Variants in RTKN2 observed in about 807,000 individuals in gnomAD.
RTKN2 encodes the protein rhotekin-2.
A neutral mutation model predicts 71.5 loss-of-function variants in RTKN2; 69 were observed. The observed-to-expected ratio is 0.96, with a 90% CI of 0.79 to 1.18. The LOEUF is 1.18. RTKN2 is among the 50% of genes most tolerant of loss of function. The pLI is 0.00. For synonymous variants in RTKN2, 236 were observed against 236.5 expected, an observed-to-expected ratio of 1.00 and a Z score of 0.02; for missense variants, 724 against 719.7, an observed-to-expected ratio of 1.01 and a Z score of -0.07.
chr10:62,194,192 CTAATA>C lies in RTKN2; in HGVS notation c.*3711_*3715del. 1.0e-6 allele frequency: 1 copy of C among 983,454 alleles called. No homozygotes were observed. Among genetic ancestry groups the C allele is most frequent in the Non-Finnish European group, 1.2e-6 (1 of 828,196 alleles). The allele number at this position is 983,454 out of a possible 1,614,324, so 60.9% of individuals were successfully genotyped here. ...AAGCATGTCAGAAAATCAACACACC[CTAATA>C]TATTTTCAAATGATGACTTGTCTTT... On this transcript the variant is annotated 3_prime_UTR_variant, in exon 12 of 12. Coordinates refer to ENST00000373789, the MANE Select transcript of RTKN2 (RefSeq NM_145307.4).
rs947455668 is a variant in RTKN2 at position 62,232,857 on chromosome 10, C to T, written c.686+3209G>A. Among the ~76,000 whole-genome samples the T allele has an allele frequency of 4.6e-5, 7 of 151,908 alleles. No homozygotes were observed. The East Asian group carries it at 1.4e-3, about 29-fold the overall frequency. ...ATCCATGAATTATCTTATTAAATCT[C>T]GTAATTATCCTATGGAGTTGAGATA... is the stretch of plus-strand genomic sequence containing the variant. On this transcript the variant is annotated intron_variant, in intron 6 of 11. Coordinates refer to ENST00000373789, the MANE Select transcript of RTKN2 (RefSeq NM_145307.4).
At chr10:62,235,682 G>GTA (rs568112317) in intron 6 of RTKN2, among the ~76,000 whole-genome samples, 2 of 84,698 alleles carry the variant, frequency 2.4e-5, no homozygotes, top group African/African-American at 8.1e-5. Flanking sequence ...GTGTGTGTGT[G>GTA]TGTGTGTATA....
rs1211456511 is a variant in RTKN2 at position 62,241,171 on chromosome 10, T to C, written c.341A>G (p.Lys114Arg). 1.9e-6 allele frequency: 3 copies of C among 1,563,956 alleles called. No homozygotes were observed. The highest frequency in any genetic ancestry group is 1.8e-5 in the Admixed American group (1 of 55,642). Residue 114 changes from lysine to arginine, a missense_variant, in exon 4 of 12, where the codon AAA (lysine) becomes AGA (arginine). Transcript: ENST00000373789. ...TTTATTGCTGAAGTGATCAGAGTCT[T>C]TCCACATTAGTGGTATTCGAATATC... ...ISDIRIPLMW[K>R]DSDHFSNKER... is the part of the protein sequence containing the mutation.
chr10:62,199,999 G>C, intron 10 of RTKN2, 138 bp from the exon 11 acceptor site: 1 of 556,242 alleles, frequency 1.8e-6, no homozygotes, highest in Non-Finnish European at 3.2e-6. Context: ...CGTTAAGGGA[G>C]GCTTGCAGAA....
intron 10 of RTKN2, among the ~76,000 whole-genome samples, chr10:62,202,249 C>A (rs1169433009): frequency 6.6e-6 from 1 of 152,260 alleles, no homozygotes; most frequent in East Asian, 1.9e-4. Flanking sequence ...CTTCCCTGGG[C>A]TAAACAGATC....
chr10:62,230,328 C>A (rs550440035), intron 6 of RTKN2, among the ~76,000 whole-genome samples: 1 of 152,058 alleles, frequency 6.6e-6, no homozygotes, highest in African/African-American at 2.4e-5. Flanking sequence ...CTCACCACCA[C>A]GCCTGGTTAA....
In RTKN2 at chr10:62,194,231, CA is replaced by C; in HGVS notation, c.*3676del. 2.0e-6 allele frequency: 2 copies of C among 985,072 alleles called. No homozygotes were observed. The highest frequency in any genetic ancestry group is 2.4e-6 in the Non-Finnish European group (2 of 829,654). 61.0% of individuals were successfully genotyped at this position (985,072 alleles called of 1,614,324 possible). ...AATGATGACTTGTCTTTTAAAAACC[CA>C]AAGGTAACATCTTTCCCAGAGTTAA... is the stretch of plus-strand genomic sequence containing the variant. On this transcript the variant is annotated 3_prime_UTR_variant, in exon 12 of 12. Coordinates refer to ENST00000373789, the MANE Select transcript of RTKN2 (RefSeq NM_145307.4).
At chr10:62,186,202 G>A (rs760494775) in intron 8 of RTKN2, among the ~76,000 whole-genome samples, 4 of 130,786 alleles carry the variant, frequency 3.1e-5, no homozygotes, top group Non-Finnish European at 4.9e-5. Context: ...TATTCTTAAC[G>A]TATATGCTTT....
chr10:62,223,427 G>T (rs916856401), intron 6 of RTKN2, 95 bp from the exon 7 acceptor site: 1 of 740,392 alleles, frequency 1.4e-6, no homozygotes, highest in Non-Finnish European at 2.3e-6. Flanking sequence ...TAAACAACCT[G>T]ATTTAAAGAT....
intron 6 of RTKN2, among the ~76,000 whole-genome samples, chr10:62,232,895 A>G (rs1842179292): frequency 6.7e-6 from 1 of 150,230 alleles, no homozygotes; most frequent in African/African-American, 2.5e-5. Flanking sequence ...ATTATGTATT[A>G]TTATTACAGA....
intron 5 of RTKN2, 164 bp downstream of exon 5, chr10:62,239,484 G>T: frequency 2.3e-6 from 1 of 431,158 alleles, no homozygotes; most frequent in Non-Finnish European, 4.1e-6. Context: ...ATAGAGAAAT[G>T]GACTTCTTCT....
intron 9 of RTKN2, among the ~76,000 whole-genome samples, chr10:62,212,249 A>G (rs1841677697): frequency 1.3e-5 from 2 of 151,854 alleles, no homozygotes; most frequent in South Asian, 4.1e-4. Flanking sequence ...GGTGCCTATA[A>G]TCCCAGCTAC....
At chr10:62,267,774 A>C (rs1156317638) in intron 1 of RTKN2, among the ~76,000 whole-genome samples, 1 of 152,214 alleles carries the variant, frequency 6.6e-6, no homozygotes, top group Non-Finnish European at 1.5e-5. Flanking sequence ...AGTAGGTAAA[A>C]GAAGGTAGAG....
At chr10:62,224,838 C>A (rs577352905) in intron 6 of RTKN2, among the ~76,000 whole-genome samples, 1 of 152,126 alleles carries the variant, frequency 6.6e-6, no homozygotes, top group Admixed American at 6.5e-5. Context: ...ACCAGTGTGG[C>A]TAGTGCACAG....
Position 62,197,548 on chromosome 10 carries a change from T to G in RTKN2, c.*360A>C, listed in dbSNP as rs1013612302. 2.4e-5 allele frequency: 24 copies of G among 1,007,314 alleles called. No individual in the cohort carries two copies. The highest frequency in any genetic ancestry group is 2.8e-5 in the Non-Finnish European group (24 of 843,522). 62.4% of individuals were successfully genotyped at this position (1,007,314 alleles called of 1,614,324 possible). A position where few individuals can be genotyped will look rare whatever the true frequency, so the allele number is the denominator to read the frequency against. ...CTCACAATGAGAATATGGTTCATAT[T>G]TAACACATTTTAAATTACTAGACAG... On this transcript the variant is annotated 3_prime_UTR_variant, in exon 12 of 12. Coordinates refer to ENST00000373789, the MANE Select transcript of RTKN2 (RefSeq NM_145307.4).
rs750319818 is a variant in RTKN2, at chr10:62,262,823, T to TA, written c.61-3dup. On this transcript the variant is annotated splice_polypyrimidine_tract_variant and splice_region_variant and intron_variant, in intron 1 of 11. Coordinates refer to ENST00000373789, the MANE Select transcript of RTKN2 (RefSeq NM_145307.4). ...TATTTTTTCTTGAATGTTGCAGTCC[T>TA]AAAAAAAAAATGCATCTTGAAAATA... 3.0e-3 allele frequency: 4,080 copies of TA among 1,355,320 alleles called. No individual in the cohort carries two copies. Among genetic ancestry groups the TA allele is most frequent in the South Asian group, 4.8e-3 (339 of 71,344 alleles). 84.0% of individuals were successfully genotyped at this position (1,355,320 alleles called of 1,614,324 possible). A position where few individuals can be genotyped will look rare whatever the true frequency, so the allele number is the denominator to read the frequency against.
chr10:62,190,298 T>C (rs1156516948), downstream of RTKN2, among the ~76,000 whole-genome samples: 1 of 152,204 alleles, frequency 6.6e-6, no homozygotes, highest in Non-Finnish European at 1.5e-5. Context: ...ATACTGAGGA[T>C]GAGAGCACTT....
In RTKN2 at chr10:62,199,875, A is replaced by G. The variant is rs368455362; in HGVS notation, c.1187-14T>C. On this transcript the variant is annotated splice_polypyrimidine_tract_variant and intron_variant, in intron 10 of 11. Transcript: ENST00000373789. Reference sequence around the variant, plus strand: ...GCTTCCATTGGCCTAAGACAGACAGAAAAAAGGTAGACTAGTTTAAAACAT... The same window carrying G: ...GCTTCCATTGGCCTAAGACAGACAGGAAAAAGGTAGACTAGTTTAAAACAT... 1.1e-5 allele frequency: 16 copies of G among 1,506,228 alleles called. No homozygotes were observed. In the South Asian group the frequency reaches 1.7e-4, roughly 16 times the overall value. 93.3% of individuals were successfully genotyped at this position (1,506,228 alleles called of 1,614,324 possible).
At chr10:62,219,865 A>G (rs1448836715) in intron 7 of RTKN2, among the ~76,000 whole-genome samples, 4 of 152,218 alleles carry the variant, frequency 2.6e-5, no homozygotes, top group African/African-American at 9.6e-5. Flanking sequence ...TTCAAAAAAC[A>G]TTAAGATAGT....
Sources: allele counts gnomAD v4.1 joint callset (sites outside exome capture counted in the v4.1 genomes callset), GRCh38; gene constraint gnomAD v4.1.1; transcripts MANE v1.5; gene names NCBI Gene and HGNC (gene_info 2026-07-23, HGNC 2026-07-21).